Variants in TENM3 observed in about 807,000 individuals in gnomAD.
TENM3 encodes the protein teneurin-3.
In TENM3, 63 loss-of-function variants were observed where a neutral mutation model predicts 255.1. The observed-to-expected ratio is 0.25, with a 90% CI of 0.20 to 0.30. The LOEUF is 0.30. Among genes scored for constraint, TENM3 ranks in the 10% least tolerant of loss-of-function variants. The probability of loss-of-function intolerance (pLI) is 1.00; values close to 1 mark genes in which losing one functional copy is unlikely to be tolerated. For missense variants in TENM3, 2,929 were observed against 3,461.1 expected (o/e 0.85, Z 3.86); for synonymous variants, 1,306 against 1,322.3 (o/e 0.99, Z 0.27).
the TENM3 span, among the ~76,000 whole-genome samples, chr4:181,771,712 G>A: frequency 6.6e-6 from 1 of 152,170 alleles, no homozygotes; most frequent in African/African-American, 2.4e-5. Flanking sequence ...TTTTTTAAAT[G>A]CAGATTCTGG....
chr4:182,308,188 G>A (rs540084345), intron 1 of TENM3, among the ~76,000 whole-genome samples: 1 of 152,344 alleles, frequency 6.6e-6, no homozygotes, highest in South Asian at 2.1e-4. Flanking sequence ...TAGGGGTGCT[G>A]AACTGGGCAA....
chr4:182,624,509 C>T (rs1295311285), intron 4 of TENM3, among the ~76,000 whole-genome samples: 1 of 152,178 alleles, frequency 6.6e-6, no homozygotes, highest in African/African-American at 2.4e-5. Flanking sequence ...CAGAATGCCA[C>T]TCACGAAGCA....
At chr4:181,617,837 A>G in the TENM3 span, among the ~76,000 whole-genome samples, 2 of 152,196 alleles carry the variant, frequency 1.3e-5, no homozygotes, top group Non-Finnish European at 2.9e-5. Context: ...AGCCAACACC[A>G]CTATTGAAAA....
intron 1 of TENM3, among the ~76,000 whole-genome samples, chr4:182,184,848 A>G (rs1232634831): frequency 1.3e-5 from 2 of 152,086 alleles, no homozygotes; most frequent in East Asian, 3.9e-4. Context: ...ACACTTTGGG[A>G]GGCCGAGGTG....
At chr4:181,657,967 C>A in the TENM3 span, among the ~76,000 whole-genome samples, 1 of 152,028 alleles carries the variant, frequency 6.6e-6, no homozygotes, top group Non-Finnish European at 1.5e-5. Flanking sequence ...ATGGGAGAAA[C>A]AGACACTGCG....
At chr4:181,953,905 C>A in the TENM3 span, among the ~76,000 whole-genome samples, 5 of 152,070 alleles carry the variant, frequency 3.3e-5, no homozygotes, top group Non-Finnish European at 7.4e-5. Flanking sequence ...GTTTCCATCA[C>A]CCTGAACGTT....
At chr4:182,548,338 T>C (rs1741658286) in intron 3 of TENM3, among the ~76,000 whole-genome samples, 1 of 152,158 alleles carries the variant, frequency 6.6e-6, no homozygotes, top group South Asian at 2.1e-4. Context: ...TATGAAAATA[T>C]GAGCTGCCTT....
At chr4:182,349,047 C>G (rs1765010028) in intron 3 of TENM3, among the ~76,000 whole-genome samples, 1 of 152,132 alleles carries the variant, frequency 6.6e-6, no homozygotes, top group Non-Finnish European at 1.5e-5. Flanking sequence ...TGAAGAGAGA[C>G]AGGGAGAGTG....
the TENM3 span, among the ~76,000 whole-genome samples, chr4:181,938,870 A>G: frequency 6.6e-6 from 1 of 152,228 alleles, no homozygotes; most frequent in Admixed American, 6.5e-5. Flanking sequence ...ATAATCTATC[A>G]ATTTTGTGAA....
chr4:182,149,187 A>G (rs555450709), intron 1 of TENM3, among the ~76,000 whole-genome samples: 2 of 151,984 alleles, frequency 1.3e-5, no homozygotes, highest in Non-Finnish European at 2.9e-5. Context: ...TTTCCAGCTT[A>G]AGACATCCAT....
At chr4:182,718,444 G>A (rs1026128184) in intron 13 of TENM3, among the ~76,000 whole-genome samples, 36 of 152,120 alleles carry the variant, frequency 2.4e-4, no homozygotes, top group Non-Finnish European at 4.7e-4. Context: ...CCTCACTCTC[G>A]TTGGTCTGAA....
intron 1 of TENM3, among the ~76,000 whole-genome samples, chr4:182,191,384 G>C (rs1753506785): frequency 6.6e-6 from 1 of 152,068 alleles, no homozygotes; most frequent in Non-Finnish European, 1.5e-5. Context: ...CCTCTGCTTA[G>C]AATGTCCTTT....
upstream of TENM3, among the ~76,000 whole-genome samples, chr4:182,242,789 C>G (rs1757365049): frequency 1.3e-5 from 2 of 152,088 alleles, no homozygotes; most frequent in Admixed American, 6.6e-5. Context: ...GTTTTCCTGC[C>G]TGATTGCTTT....
the TENM3 span, among the ~76,000 whole-genome samples, chr4:181,467,541 A>G: frequency 6.6e-6 from 1 of 152,158 alleles, no homozygotes; most frequent in African/African-American, 2.4e-5. Context: ...AATAAATTAA[A>G]AAATTTAGTA....
the TENM3 span, among the ~76,000 whole-genome samples, chr4:181,674,832 T>C: frequency 3.9e-5 from 6 of 152,194 alleles, no homozygotes; most frequent in Non-Finnish European, 8.8e-5. Context: ...AGAATTTTTG[T>C]GTAGAAATTT....
At chr4:181,646,708 A>G in the TENM3 span, among the ~76,000 whole-genome samples, 1 of 152,154 alleles carries the variant, frequency 6.6e-6, no homozygotes, top group Non-Finnish European at 1.5e-5. Context: ...TGGGGTTAGG[A>G]CCGAGGCGCG....
At position 182,443,854 on chromosome 4, in the gene TENM3, G is replaced by A. The variant is rs187345412; in HGVS notation, c.511+96925G>A. Among the ~76,000 whole-genome samples the A allele has an allele frequency of 7.2e-5, 11 of 152,312 alleles. No individual in the cohort carries two copies. The East Asian group carries it at 1.7e-3, about 24-fold the overall frequency. On this transcript the variant is annotated intron_variant, in intron 3 of 27. Coordinates refer to ENST00000511685, the MANE Select transcript of TENM3 (RefSeq NM_001080477.4). ...AGTGCTTTTGGCAAGCAGTGGACAT[G>A]ATTGGATATCTAAAGAAAGAGCCCT...
At chr4:182,072,789 A>T in the TENM3 span, among the ~76,000 whole-genome samples, 1 of 151,930 alleles carries the variant, frequency 6.6e-6, no homozygotes, top group South Asian at 2.1e-4. Flanking sequence ...ATTTTCCTCC[A>T]TCTCATCTTC....
chr4:182,075,200 CTTTTT>C, the TENM3 span, among the ~76,000 whole-genome samples: 2 of 128,198 alleles, frequency 1.6e-5, no homozygotes. Context: ...TGTTTTTTTT[CTTTTT>C]TTTTTTTTTT....
Sources: allele counts gnomAD v4.1 joint callset (sites outside exome capture counted in the v4.1 genomes callset), GRCh38; gene constraint gnomAD v4.1.1; transcripts MANE v1.5; gene names NCBI Gene and HGNC (gene_info 2026-07-23, HGNC 2026-07-21).